CDK19: variants seen among roughly 807,000 people sequenced by gnomAD.
The protein encoded by CDK19 is cyclin-dependent kinase 19.
A neutral mutation model predicts 68.3 loss-of-function variants in CDK19; 20 were observed. The observed-to-expected ratio is 0.29, with a 90% CI of 0.21 to 0.43. The LOEUF (loss-of-function observed/expected upper bound fraction) is 0.43. Among genes scored for constraint, CDK19 ranks in the 20% least tolerant of loss-of-function variants. The pLI is 1.00. For missense variants in CDK19, 339 were observed against 623.5 expected (o/e 0.54, Z 4.86); for synonymous variants, 221 against 222.8 (o/e 0.99, Z 0.07).
chr6:110,814,999 C>G lies in CDK19; in HGVS notation c.128+10G>C. 1.2e-6 allele frequency: 2 copies of G among 1,603,640 alleles called. No homozygotes were observed. Among genetic ancestry groups the G allele is most frequent in the Non-Finnish European group, 1.7e-6 (2 of 1,175,712 alleles). On this transcript the variant is annotated intron_variant, in intron 1 of 12. Transcript: ENST00000368911. ...CCGAGCGAGCCTACTCCTCCCGCCC[C>G]TGCTCTTACCCATCTTTCCGCCTCG... is the stretch of plus-strand genomic sequence containing the variant.
At chr6:110,699,924 G>A (rs1773850374) in intron 2 of CDK19, among the ~76,000 whole-genome samples, 1 of 152,144 alleles carries the variant, frequency 6.6e-6, no homozygotes, top group Admixed American at 6.5e-5. Flanking sequence ...GACCCATACT[G>A]GCTCATGGCC....
At chr6:110,797,070 G>A (rs964765596) in intron 1 of CDK19, among the ~76,000 whole-genome samples, 6 of 151,426 alleles carry the variant, frequency 4.0e-5, no homozygotes, top group Middle Eastern at 3.4e-3. Context: ...GGCTGGGCAC[G>A]GTGGCTCACA....
chr6:110,752,053 A>G (rs1175911135), intron 1 of CDK19, among the ~76,000 whole-genome samples: 1 of 151,924 alleles, frequency 6.6e-6, no homozygotes, highest in East Asian at 1.9e-4. Context: ...AAAATTTGAA[A>G]TAACAAAAAA....
chr6:110,764,651 T>G (rs1009243399), intron 1 of CDK19, among the ~76,000 whole-genome samples: 1 of 152,122 alleles, frequency 6.6e-6, no homozygotes, highest in Non-Finnish European at 1.5e-5. Flanking sequence ...AATGGAAAAC[T>G]ATAAAATTTT....
intron 1 of CDK19, among the ~76,000 whole-genome samples, chr6:110,785,380 A>AT (rs1206255272): frequency 5.3e-5 from 8 of 152,342 alleles, no homozygotes; most frequent in African/African-American, 1.9e-4. Flanking sequence ...TGTTGACTGG[A>AT]AACCTCACTG....
At chr6:110,676,255 A>G (rs1277330550) in intron 2 of CDK19, among the ~76,000 whole-genome samples, 3 of 152,228 alleles carry the variant, frequency 2.0e-5, no homozygotes, top group Admixed American at 6.5e-5. Context: ...CTGCCATCTC[A>G]TGATCAAACA....
intron 2 of CDK19, among the ~76,000 whole-genome samples, chr6:110,716,961 G>A (rs1044900102): frequency 1.3e-5 from 2 of 151,904 alleles, no homozygotes; most frequent in Non-Finnish European, 2.9e-5. Context: ...GTGAAACCTC[G>A]TCTCTACTAA....
intron 1 of CDK19, among the ~76,000 whole-genome samples, chr6:110,807,588 T>G (rs918243697): frequency 1.3e-5 from 2 of 152,014 alleles, no homozygotes; most frequent in African/African-American, 4.8e-5. Context: ...GCCTCCCGAG[T>G]AGCTGGGATT....
intron 3 of CDK19, among the ~76,000 whole-genome samples, chr6:110,668,080 GAAGA>G (rs1753421145): frequency 1.3e-5 from 2 of 152,108 alleles, no homozygotes; most frequent in Admixed American, 1.3e-4. Context: ...TGCTAAAAAG[GAAGA>G]GAGAGAAAAA....
At chr6:110,665,511 A>G (rs1203706616) in intron 4 of CDK19, among the ~76,000 whole-genome samples, 1 of 152,222 alleles carries the variant, frequency 6.6e-6, no homozygotes, top group Non-Finnish European at 1.5e-5. Flanking sequence ...AATATCATGA[A>G]TAAAATATGT....
At chr6:110,692,857 C>T (rs901644177) in intron 2 of CDK19, among the ~76,000 whole-genome samples, 3 of 152,114 alleles carry the variant, frequency 2.0e-5, no homozygotes, top group South Asian at 2.1e-4. Context: ...ATTAGCCAGA[C>T]ATGTTGGTGG....
In CDK19 at chr6:110,740,073, GA is replaced by G. The variant is rs1393373904; in HGVS notation, c.204+6052del. Among the ~76,000 whole-genome samples, 11 of 151,324 alleles carry G rather than the reference GA, an allele frequency of 7.3e-5. No homozygotes were observed. The East Asian group carries it at 1.5e-3, about 21-fold the overall frequency. On this transcript the variant is annotated intron_variant, in intron 2 of 12. Transcript: ENST00000368911. ...AATGGACTCTCTGCTCTTGTGGGGG[GA>G]AAAATTCTCTGTATTTTTGCAAAGA...
At chr6:110,623,704 A>T (rs1406726127) in intron 8 of CDK19, among the ~76,000 whole-genome samples, 1 of 150,680 alleles carries the variant, frequency 6.6e-6, no homozygotes, top group Non-Finnish European at 1.5e-5. Flanking sequence ...ATACAGGGAT[A>T]AAAATGTTCT....
At chr6:110,797,243 G>A (rs1043429559) in intron 1 of CDK19, among the ~76,000 whole-genome samples, 1 of 151,918 alleles carries the variant, frequency 6.6e-6, no homozygotes, top group East Asian at 1.9e-4. Context: ...GGGAGGCTGA[G>A]GCAGGAGAAT....
intron 1 of CDK19, among the ~76,000 whole-genome samples, chr6:110,774,721 C>T (rs538660098): frequency 5.1e-4 from 77 of 152,210 alleles, no homozygotes; most frequent in African/African-American, 1.8e-3. Flanking sequence ...AAGCCAAGGC[C>T]GGTGGATTGC....
chr6:110,747,448 T>G (rs1288127439), intron 1 of CDK19, among the ~76,000 whole-genome samples: 1 of 152,190 alleles, frequency 6.6e-6, no homozygotes, highest in East Asian at 1.9e-4. Context: ...TGGACTATGA[T>G]GCAATTTTTT....
chr6:110,785,677 A>G (rs1781160234), intron 1 of CDK19, among the ~76,000 whole-genome samples: 1 of 152,060 alleles, frequency 6.6e-6, no homozygotes, highest in Admixed American at 6.6e-5. Context: ...CACTTAGTGT[A>G]ACTTTATAGA....
intron 2 of CDK19, among the ~76,000 whole-genome samples, chr6:110,704,256 A>T (rs1774254289): frequency 6.6e-6 from 1 of 152,194 alleles, no homozygotes; most frequent in African/African-American, 2.4e-5. Context: ...AAATCAAAAG[A>T]CTTTATTTTC....
At chr6:110,759,772 G>A (rs1779107166) in intron 1 of CDK19, among the ~76,000 whole-genome samples, 1 of 151,166 alleles carries the variant, frequency 6.6e-6, no homozygotes, top group Non-Finnish European at 1.5e-5. Context: ...CATATAAATT[G>A]ACCTGAATTC....
Sources: allele counts gnomAD v4.1 joint callset (sites outside exome capture counted in the v4.1 genomes callset), GRCh38; gene constraint gnomAD v4.1.1; transcripts MANE v1.5; gene names NCBI Gene and HGNC (gene_info 2026-07-23, HGNC 2026-07-21).